The following AFDN variants were observed in gnomAD, a reference collection of about 807,000 sequenced individuals.
AFDN encodes the protein afadin.
Under a neutral mutation model 216.6 loss-of-function variants are expected in AFDN, and 68 were observed. The ratio of observed to expected loss-of-function variants is 0.31; its 90% confidence interval spans 0.26 to 0.38. The LOEUF is 0.38. Ranked by LOEUF, AFDN falls within the 10% of genes least tolerant of loss-of-function variation. AFDN has a pLI of 1.00. For missense variants in AFDN, 2,136 were observed against 2,342.0 expected, an observed-to-expected ratio of 0.91 and a Z score of 1.82; for synonymous variants, 868 against 853.7, an observed-to-expected ratio of 1.02 and a Z score of -0.29.
At chr6:167,835,361 A>G (rs1161913685) in intron 1 of AFDN, among the ~76,000 whole-genome samples, 1 of 152,264 alleles carries the variant, frequency 6.6e-6, no homozygotes, top group Non-Finnish European at 1.5e-5. Flanking sequence ...AAATAAGCAT[A>G]GTTGTTCTTT....
intron 1 of AFDN, among the ~76,000 whole-genome samples, chr6:167,829,310 C>A (rs1275394563): frequency 1.3e-5 from 2 of 152,052 alleles, no homozygotes; most frequent in Admixed American, 6.6e-5. Context: ...TAAATTTATT[C>A]TGGTCCTAGT....
At chr6:167,880,642 C>A in intron 6 of AFDN, 125 bp downstream of exon 6, 1 of 928,594 alleles carries the variant, frequency 1.1e-6, no homozygotes, top group Non-Finnish European at 1.7e-6. Context: ...ATTTACAAAT[C>A]ATGTGCTAAA....
At chr6:167,921,586 C>T (rs1315036320) in intron 21 of AFDN, among the ~76,000 whole-genome samples, 1 of 152,132 alleles carries the variant, frequency 6.6e-6, no homozygotes, top group African/African-American at 2.4e-5. Context: ...TGGACTCATT[C>T]CTTGTCTGAG....
intron 1 of AFDN, among the ~76,000 whole-genome samples, chr6:167,834,270 G>A (rs1333542310): frequency 3.3e-5 from 5 of 151,878 alleles, no homozygotes; most frequent in Admixed American, 2.0e-4. Context: ...CCTTTTCCCC[G>A]AGTCCCCGAA....
In AFDN at chr6:167,879,122, C is replaced by T. The variant is rs187744751; in HGVS notation, c.740-1238C>T. 2.2e-3 allele frequency among the ~76,000 whole-genome samples: 338 copies of T among 152,282 alleles called. 4 individuals are homozygous for T. Among genetic ancestry groups the T allele is most frequent in the Non-Finnish European group, 6.6e-4 (45 of 68,018 alleles). ...TCATCTGACCTGCTTATTGCTGTTC[C>T]TCTGCATTGGAACAGGAGAGCCCCT... On this transcript the variant is annotated intron_variant, in intron 5 of 33. Transcript: ENST00000683244.
intron 9 of AFDN, among the ~76,000 whole-genome samples, chr6:167,895,367 A>G (rs1788111026): frequency 6.6e-6 from 1 of 152,196 alleles, no homozygotes; most frequent in Non-Finnish European, 1.5e-5. Flanking sequence ...GGAGCTACCT[A>G]TGTCCAGGAA....
intron 2 of AFDN, among the ~76,000 whole-genome samples, chr6:167,866,806 C>G (rs1784238797): frequency 6.6e-6 from 1 of 152,190 alleles, no homozygotes. Flanking sequence ...CGAACCAGTT[C>G]TTTTGGTGTC....
chr6:167,918,617 T>G, intron 20 of AFDN, 118 bp from the exon 21 acceptor site: 1 of 862,950 alleles, frequency 1.2e-6, no homozygotes, highest in Non-Finnish European at 1.9e-6. Context: ...TCTGTGTGTG[T>G]GTGTGTGTCT....
chr6:167,842,195 T>C (rs1781148383), intron 1 of AFDN, among the ~76,000 whole-genome samples: 1 of 152,176 alleles, frequency 6.6e-6, no homozygotes, highest in South Asian at 2.1e-4. Flanking sequence ...CTTGATTTCC[T>C]GATTACCAAA....
intron 29 of AFDN, 144 bp downstream of exon 29, chr6:167,948,622 A>G: frequency 2.8e-6 from 2 of 714,632 alleles, no homozygotes; most frequent in Non-Finnish European, 4.4e-6. Context: ...GTTTGAGGAA[A>G]AAAGGAGACA....
At chr6:167,899,212 G>A (rs1026616943) in intron 11 of AFDN, among the ~76,000 whole-genome samples, 1 of 151,936 alleles carries the variant, frequency 6.6e-6, no homozygotes, top group Non-Finnish European at 1.5e-5. Context: ...TGACTATTTA[G>A]AATTAATGTC....
chr6:167,951,675 C>T lies in AFDN; in HGVS notation c.4321C>T (p.Arg1441Trp), dbSNP rs772514505. 13 of 1,613,568 alleles carry T rather than the reference C, an allele frequency of 8.1e-6. No homozygotes were observed. Among genetic ancestry groups the T allele is most frequent in the Admixed American group, 3.3e-5 (2 of 59,980 alleles). The change falls in exon 30 of 34, where the codon CGG becomes TGG. Residue 1441 changes from arginine to tryptophan, a missense_variant. Physicochemically the swap from Arg to Trp is moderately radical, Grantham distance 101. Coordinates refer to ENST00000683244, the MANE Select transcript of AFDN (RefSeq NM_001386888.1). The surrounding 1 kb of genome is among the most constrained non-coding windows in gnomAD (Gnocchi z 7.1). Reference protein sequence around the residue: ...ARLEEERERKRREQERKLGQM... With the variant: ...ARLEEERERKWREQERKLGQM... The stretch of plus-strand genomic sequence containing the variant: ...CCTGGAGGAGGAGCGGGAGAGGAAG[C>T]GGAGAGAGCAGGAGAGGAAGTTGGG...
At chr6:167,956,033 C>T (rs999690903) in intron 30 of AFDN, among the ~76,000 whole-genome samples, 9 of 144,680 alleles carry the variant, frequency 6.2e-5, no homozygotes, top group African/African-American at 7.8e-5. Flanking sequence ...GACACTTGCT[C>T]GAACCCAGGA....
At chr6:167,870,645 A>T (rs1407785350) in intron 3 of AFDN, 147 bp downstream of exon 3, 1 of 458,268 alleles carries the variant, frequency 2.2e-6, no homozygotes, top group Admixed American at 3.8e-5. Context: ...AAATAATTTA[A>T]AAGAAGCCTT....
At chr6:167,864,405 A>G (rs768972453) in intron 1 of AFDN, 146 bp from the exon 2 acceptor site, 2 of 836,272 alleles carry the variant, frequency 2.4e-6, no homozygotes, top group Non-Finnish European at 4.2e-6. Flanking sequence ...TTGAAGACTA[A>G]AAACCCATCT....
At chr6:167,846,853 T>G (rs1463202389) in intron 1 of AFDN, among the ~76,000 whole-genome samples, 1 of 151,756 alleles carries the variant, frequency 6.6e-6, no homozygotes, top group African/African-American at 2.4e-5. Context: ...TTAGTAGAAA[T>G]CAAATATTGT....
At position 167,921,583 on chromosome 6, in the gene AFDN, A is replaced by C. The variant is rs151200463; in HGVS notation, c.2909-1273A>C. On this transcript the variant is annotated intron_variant, in intron 21 of 33. Coordinates refer to ENST00000683244, the MANE Select transcript of AFDN (RefSeq NM_001386888.1). ...AAGACTGTACGACCAGCCTGGACTC[A>C]TTCCTTGTCTGAGATGCATTCCGTA... 8.1e-3 allele frequency among the ~76,000 whole-genome samples: 1,234 copies of C among 152,310 alleles called. 28 individuals carry two copies. In the South Asian group the frequency reaches 0.083, roughly 10 times the overall value.
intron 13 of AFDN, among the ~76,000 whole-genome samples, chr6:167,908,453 A>G (rs1258171934): frequency 6.6e-6 from 1 of 152,104 alleles, no homozygotes; most frequent in Non-Finnish European, 1.5e-5. Flanking sequence ...CCGTGTTTGT[A>G]CTTGTTTTTG....
intron 1 of AFDN, chr6:167,864,250 G>T (rs1583202513): frequency 1.7e-6 from 1 of 593,818 alleles, no homozygotes; most frequent in East Asian, 4.1e-5. Flanking sequence ...TAAATATTGA[G>T]TGTCATGGTG....
Sources: allele counts gnomAD v4.1 joint callset (sites outside exome capture counted in the v4.1 genomes callset), GRCh38; gene constraint gnomAD v4.1.1; non-coding constraint Gnocchi (gnomAD v3.1); transcripts MANE v1.5; gene names NCBI Gene and HGNC (gene_info 2026-07-23, HGNC 2026-07-21).